Variants in BTNL9 observed in about 807,000 individuals in gnomAD.
BTNL9 encodes the protein butyrophilin-like protein 9.
A neutral mutation model predicts 45.8 loss-of-function variants in BTNL9; 45 were observed. The observed-to-expected ratio is 0.98, with a 90% CI of 0.77 to 1.26. The LOEUF (loss-of-function observed/expected upper bound fraction) is 1.26, where lower values mean the gene tolerates loss of function less well. Among genes scored for constraint, BTNL9 ranks in the 50% most tolerant of loss-of-function variants. The pLI, the probability that BTNL9 is intolerant of heterozygous loss-of-function variation, is 0.00. For missense variants in BTNL9, 784 were observed against 729.7 expected, an observed-to-expected ratio of 1.07 and a Z score of -0.86; for synonymous variants, 346 against 330.8, an observed-to-expected ratio of 1.05 and a Z score of -0.50.
Position 181,056,708 on chromosome 5 carries a change from A to T in BTNL9, c.955+693A>T, listed in dbSNP as rs564701306. 8.4e-5 allele frequency: 57 copies of T among 681,136 alleles called. No homozygotes were observed. The African/African-American group carries it at 9.0e-4, about 11-fold the overall frequency. 42.2% of individuals were successfully genotyped at this position (681,136 alleles called of 1,614,324 possible). A position where few individuals can be genotyped will look rare whatever the true frequency, so the allele number is the denominator to read the frequency against. ...CTGCTGGCCCATGGTGGGTATGTCCACTAAGGGGATAGTGGGATCCCAGGA... is the reference window on the plus strand; with the variant it reads ...CTGCTGGCCCATGGTGGGTATGTCCTCTAAGGGGATAGTGGGATCCCAGGA... On this transcript the variant is annotated intron_variant, in intron 9 of 10. Transcript: ENST00000327705.
chr5:181,059,761 TG>T lies in BTNL9; in HGVS notation c.1508del (p.Cys503SerfsTer87). On this transcript the variant is annotated frameshift_variant, in exon 11 of 11. Transcript: ENST00000327705. LOFTEE classifies it low-confidence loss of function (END_TRUNC). ...GGEHPDPLTI[C>X]PLPVRGTGVP... Reference sequence around the variant, plus strand: ...CGAACATCCGGATCCCCTGACCATCTGCCCGCTGCCGGTTAGAGGGACGGGC... The same window carrying T: ...CGAACATCCGGATCCCCTGACCATCTCCCGCTGCCGGTTAGAGGGACGGGC... 6.2e-7 allele frequency: 1 copy of T among 1,611,794 alleles called. No individual in the cohort carries two copies. Among genetic ancestry groups the T allele is most frequent in the Non-Finnish European group, 8.5e-7 (1 of 1,179,822 alleles).
chr5:181,041,757 A>C (rs1024721195), intron 1 of BTNL9, among the ~76,000 whole-genome samples: 2 of 152,210 alleles, frequency 1.3e-5, no homozygotes, highest in Non-Finnish European at 2.9e-5. Context: ...TTTAGTGAAA[A>C]GTTGTTTTCC....
intron 1 of BTNL9, among the ~76,000 whole-genome samples, chr5:181,044,521 A>G (rs1322182689): frequency 6.6e-6 from 1 of 152,100 alleles, no homozygotes; most frequent in Non-Finnish European, 1.5e-5. Flanking sequence ...TGATTTCAAG[A>G]GCTCCTAGCA....
In BTNL9 at chr5:181,045,621, G is replaced by A. The variant is rs369441917; in HGVS notation, c.109+23G>A. 6 of 1,584,994 alleles carry A rather than the reference G, an allele frequency of 3.8e-6. No individual in the cohort carries two copies. In the African/African-American group the frequency reaches 6.8e-5, roughly 18 times the overall value. ...CAGGTATTGTGTCTGCAGCCTAGCT[G>A]GCCAGGATGTGAACGCCACCCCTCC... On this transcript the variant is annotated intron_variant, in intron 2 of 10. Coordinates refer to ENST00000327705, the MANE Select transcript of BTNL9 (RefSeq NM_152547.5).
chr5:181,053,376 C>A lies in BTNL9; in HGVS notation c.853+60C>A. 2 of 1,512,256 alleles carry A rather than the reference C, an allele frequency of 1.3e-6. No homozygotes were observed. The highest frequency in any genetic ancestry group is 1.8e-6 in the Non-Finnish European group (2 of 1,130,240). The allele number at this position is 1,512,256 out of a possible 1,614,324, so 93.7% of individuals were successfully genotyped here. ...CGGCCGGTGCTGAACCCCGGGGCCGCGGAGGCGCCTCCCCCCAGGACGCGG... is the reference window on the plus strand; with the variant it reads ...CGGCCGGTGCTGAACCCCGGGGCCGAGGAGGCGCCTCCCCCCAGGACGCGG... On this transcript the variant is annotated intron_variant, in intron 5 of 10. Coordinates refer to ENST00000327705, the MANE Select transcript of BTNL9 (RefSeq NM_152547.5). The surrounding 1 kb of genome is among the most constrained non-coding windows in gnomAD (Gnocchi z 6.5).
chr5:181,040,938 GA>G (rs1268863485), intron 1 of BTNL9, among the ~76,000 whole-genome samples: 1 of 152,248 alleles, frequency 6.6e-6, no homozygotes, highest in Non-Finnish European at 1.5e-5. Flanking sequence ...ACAGCTTACA[GA>G]AGTAGCAAAG....
In BTNL9 at chr5:181,053,503, T is replaced by C. The variant is rs1419721322; in HGVS notation, c.886+2T>C. ...GGAAGCAGGCGGAGAAGAGACAAGG[T>C]GAGCGGGGACAGGGCGTTCTGCACG... On this transcript the variant is annotated splice_donor_variant, in intron 6 of 10. Coordinates refer to ENST00000327705, the MANE Select transcript of BTNL9 (RefSeq NM_152547.5). LOFTEE classifies it high-confidence loss of function. This position sits in a 1 kb window ranked among gnomAD's most constrained non-coding sequence, Gnocchi z 6.5. The C allele has an allele frequency of 6.3e-7, 1 of 1,576,766 alleles. No homozygotes were observed. The highest frequency in any genetic ancestry group is 8.6e-7 in the Non-Finnish European group (1 of 1,161,380).
intron 2 of BTNL9, among the ~76,000 whole-genome samples, chr5:181,046,617 G>A (rs1761172643): frequency 6.6e-6 from 1 of 152,130 alleles, no homozygotes; most frequent in African/African-American, 2.4e-5. Flanking sequence ...AGTCAAGGGA[G>A]GGGTGTGGAT....
chr5:181,056,080 C>A, intron 9 of BTNL9, 65 bp downstream of exon 9: 2 of 1,561,294 alleles, frequency 1.3e-6, no homozygotes, highest in South Asian at 1.1e-5. Flanking sequence ...GTCCAACTCA[C>A]CTGATTAACC....
In BTNL9 at chr5:181,053,644, G is replaced by A; in HGVS notation, c.886+143G>A. On this transcript the variant is annotated intron_variant, in intron 6 of 10. Transcript: ENST00000327705. This position sits in a 1 kb window ranked among gnomAD's most constrained non-coding sequence, Gnocchi z 6.5. Reference sequence around the variant, plus strand: ...CCGGGGAACGGGGATCGGTGACCCCGGTGGGGAAGGGGGAAGATCGTTCAT... The same window carrying A: ...CCGGGGAACGGGGATCGGTGACCCCAGTGGGGAAGGGGGAAGATCGTTCAT... The A allele has an allele frequency of 6.5e-7, 1 of 1,541,286 alleles. No individual in the cohort carries two copies. Among genetic ancestry groups the A allele is most frequent in the South Asian group, 1.2e-5 (1 of 82,842 alleles).
At position 181,040,399 on chromosome 5, in the gene BTNL9, C is replaced by T. The variant is rs750400521; in HGVS notation, c.-57C>T. 1 of 152,224 alleles carries T rather than the reference C, an allele frequency of 6.6e-6. No individual in the cohort carries two copies. The highest frequency in any genetic ancestry group is 1.5e-5 in the Non-Finnish European group (1 of 68,054). The allele number at this position is 152,224 out of a possible 1,614,324, so 9.4% of individuals were successfully genotyped here. On this transcript the variant is annotated 5_prime_UTR_variant, in exon 1 of 11. Coordinates refer to ENST00000327705, the MANE Select transcript of BTNL9 (RefSeq NM_152547.5). Reference sequence around the variant, plus strand: ...AGGAGGTGAGCTCACCAGGACTCATCTGCCATTTCAGACCTTTTGCTGCTA... The same window carrying T: ...AGGAGGTGAGCTCACCAGGACTCATTTGCCATTTCAGACCTTTTGCTGCTA...
chr5:181,059,727 C>A lies in BTNL9; in HGVS notation c.1473C>A (p.His491Gln). The A allele has an allele frequency of 6.2e-7, 1 of 1,613,214 alleles. No homozygotes were observed. Residue 491 changes from histidine to glutamine, a missense_variant, in exon 11 of 11, where the codon CAC becomes CAA. By Grantham distance (24) the His-to-Gln change is conservative. Transcript: ENST00000327705. ...GTGCGTACTTCAGGCCCAGGGCCCA[C>A]GACGGCGGCGAACATCCGGATCCCC... ...ALCAYFRPRA[H>Q]DGGEHPDPLT...
At chr5:181,058,720 G>A (rs1467) in intron 10 of BTNL9, among the ~76,000 whole-genome samples, 78,563 of 151,550 alleles carry the variant, frequency 0.52, 20,744 homozygotes, top group African/African-American at 0.6. Flanking sequence ...CCATCTGTCA[G>A]ATGGCATGGG....
rs532902047 is a variant in BTNL9, at chr5:181,053,438, C to T, written c.854-31C>T. 1.3e-6 allele frequency: 2 copies of T among 1,555,186 alleles called. No individual in the cohort carries two copies. Among genetic ancestry groups the T allele is most frequent in the African/African-American group, 2.7e-5 (2 of 73,598 alleles). On this transcript the variant is annotated intron_variant, in intron 5 of 10. Coordinates refer to ENST00000327705, the MANE Select transcript of BTNL9 (RefSeq NM_152547.5). The surrounding 1 kb of genome is among the most constrained non-coding windows in gnomAD (Gnocchi z 6.5). ...GGCCTGGAAGGGGCGGGGGCGCGCACTCAGCCCTCTCCGCTCCCGTTTCCC... is the reference window on the plus strand; with the variant it reads ...GGCCTGGAAGGGGCGGGGGCGCGCATTCAGCCCTCTCCGCTCCCGTTTCCC...
chr5:181,050,341 GAAGA>G lies in BTNL9; in HGVS notation c.713_716del (p.Lys238SerfsTer6), dbSNP rs761581193. On this transcript the variant is annotated frameshift_variant, in exon 4 of 11. Coordinates refer to ENST00000327705, the MANE Select transcript of BTNL9 (RefSeq NM_152547.5). LOFTEE classifies it high-confidence loss of function. This position sits in a 1 kb window ranked among gnomAD's most constrained non-coding sequence, Gnocchi z 4.9. ...CCATCCAGAATCTCCTCTTGAGCCA[GAAGA>G]AAGAGTTGGTGGTCCAGATAGCAGG... The G allele has an allele frequency of 1.2e-6, 2 of 1,614,104 alleles. No individual in the cohort carries two copies. The highest frequency in any genetic ancestry group is 1.1e-5 in the South Asian group (1 of 91,088).
intron 6 of BTNL9, 25 bp from the exon 7 acceptor site, chr5:181,054,214 A>G: frequency 6.3e-7 from 1 of 1,581,646 alleles, no homozygotes; most frequent in East Asian, 2.2e-5. Context: ...CCTTTTCTTC[A>G]TCTTTTTTTT....
At position 181,045,498 on chromosome 5, in the gene BTNL9, C is replaced by A. The variant is rs28677846; in HGVS notation, c.9C>A (p.Asp3Glu). The A allele has an allele frequency of 6.2e-7, 1 of 1,602,912 alleles. No homozygotes were observed. Among genetic ancestry groups the A allele is most frequent in the Non-Finnish European group, 8.5e-7 (1 of 1,170,768 alleles). ...CCCACTGCTGACGAGAGATGGTGGACCTCTCAGTCTCCCCAGACTCCTTGA... is the reference window on the plus strand; with the variant it reads ...CCCACTGCTGACGAGAGATGGTGGAACTCTCAGTCTCCCCAGACTCCTTGA... MV[D>E]LSVSPDSLKP... The change falls in exon 2 of 11, where the codon GAC becomes GAA. Residue 3 changes from aspartate to glutamate, a missense_variant. Coordinates refer to ENST00000327705, the MANE Select transcript of BTNL9 (RefSeq NM_152547.5).
At position 181,045,338 on chromosome 5, in the gene BTNL9, G is replaced by A. The variant is rs956975502; in HGVS notation, c.-23-129G>A. The A allele has an allele frequency of 5.0e-6, 3 of 598,288 alleles. No homozygotes were observed. In the African/African-American group the frequency reaches 5.6e-5, roughly 11 times the overall value. 37.1% of individuals were successfully genotyped at this position (598,288 alleles called of 1,614,324 possible). On this transcript the variant is annotated intron_variant, in intron 1 of 10. Coordinates refer to ENST00000327705, the MANE Select transcript of BTNL9 (RefSeq NM_152547.5). The stretch of plus-strand genomic sequence containing the variant: ...CTGGCCATGGAAGAAGCCAAGCGCT[G>A]AGGCTTGTAAGGAATTTGAGAACTA...
At chr5:181,045,438 C>A in intron 1 of BTNL9, 29 bp from the exon 2 acceptor site, 2 of 1,204,182 alleles carry the variant, frequency 1.7e-6, no homozygotes, top group Non-Finnish European at 2.5e-6. Context: ...CTTTGCACGT[C>A]GCTCCAGCAC....
Sources: allele counts gnomAD v4.1 joint callset (sites outside exome capture counted in the v4.1 genomes callset), GRCh38; gene constraint gnomAD v4.1.1; non-coding constraint Gnocchi (gnomAD v3.1); transcripts MANE v1.5; gene names NCBI Gene and HGNC (gene_info 2026-07-23, HGNC 2026-07-21).